The following BTBD2 variants were observed in gnomAD, a reference collection of about 807,000 sequenced individuals.
BTBD2 encodes the protein BTB/POZ domain-containing protein 2.
BTBD2 carries 15 observed loss-of-function variants against 44.0 expected under a neutral mutation model. The observed-to-expected ratio is 0.34, with a 90% CI of 0.23 to 0.53. The LOEUF is 0.53. BTBD2 is among the 20% of genes least tolerant of loss of function. The pLI is 0.95. For synonymous variants in BTBD2, 443 were observed against 335.9 expected, an observed-to-expected ratio of 1.32 and a Z score of -3.49; for missense variants, 657 against 746.4, an observed-to-expected ratio of 0.88 and a Z score of 1.39.
In BTBD2 at chr19:1,987,656, A is replaced by G; in HGVS notation, c.1025T>C (p.Val342Ala). 6.2e-7 allele frequency: 1 copy of G among 1,609,424 alleles called. No individual in the cohort carries two copies. Among genetic ancestry groups the G allele is most frequent in the South Asian group, 1.1e-5 (1 of 90,632 alleles). Residue 342 changes from valine to alanine, a missense_variant, in exon 6 of 9, where the codon GTG (valine) becomes GCG (alanine). Physicochemically the swap from Val to Ala is moderately conservative, Grantham distance 64. Coordinates refer to ENST00000255608, the MANE Select transcript of BTBD2 (RefSeq NM_017797.4). ...GGTGAAGTGCAGGAAGAGGCTGACC[A>G]CCTCGCGGTCCACCAGGATGCCCGA... ...AQSGILVDRE[V>A]VSLFLHFTVN...
chr19:1,997,122 G>T (rs2016261136), intron 2 of BTBD2, among the ~76,000 whole-genome samples: 1 of 150,988 alleles, frequency 6.6e-6, no homozygotes, highest in South Asian at 2.1e-4. Context: ...TGAGGTTGCA[G>T]TGAGCCAAGA....
chr19:1,992,972 CTCCAGCCAGGCCTGG>C, intron 3 of BTBD2, 33 bp downstream of exon 3: 3 of 1,338,852 alleles, frequency 2.2e-6, no homozygotes, highest in Non-Finnish European at 9.8e-7. Context: ...CCGGCCCCGC[CTCCAGCCAGGCCTGG>C]CCCCGCCCCC....
intron 1 of BTBD2, among the ~76,000 whole-genome samples, chr19:2,008,463 G>C (rs1016102201): frequency 3.3e-5 from 5 of 150,914 alleles, no homozygotes; most frequent in African/African-American, 1.2e-4. Flanking sequence ...GGTACTTTTT[G>C]TATTTTTAAT....
At chr19:2,014,694 G>C (rs536185091) in intron 1 of BTBD2, 185 of 156,960 alleles carry the variant, frequency 1.2e-3, no homozygotes, top group Middle Eastern at 9.9e-3. Flanking sequence ...GCTGGGTGGG[G>C]TTTGAGGATG....
chr19:1,986,672 G>C, intron 8 of BTBD2, 23 bp from the exon 9 acceptor site: 1 of 1,610,092 alleles, frequency 6.2e-7, no homozygotes, highest in South Asian at 1.1e-5. Flanking sequence ...GGGGTACAGT[G>C]AGGTCAAGGA....
chr19:2,005,983 G>A (rs1455516196), intron 1 of BTBD2, among the ~76,000 whole-genome samples: 2 of 151,742 alleles, frequency 1.3e-5, no homozygotes, highest in African/African-American at 2.4e-5. Context: ...AGCTACTTGG[G>A]AGGCTAAGGT....
chr19:1,994,413 T>C (rs1458661545), intron 2 of BTBD2, among the ~76,000 whole-genome samples: 3 of 151,916 alleles, frequency 2.0e-5, no homozygotes, highest in Non-Finnish European at 4.4e-5. Flanking sequence ...GAGGATTGCC[T>C]GAGACCAGGA....
Position 1,986,352 on chromosome 19 carries a change from A to C in BTBD2, c.*136T>G. On this transcript the variant is annotated 3_prime_UTR_variant, in exon 9 of 9. Coordinates refer to ENST00000255608, the MANE Select transcript of BTBD2 (RefSeq NM_017797.4). ...GGGCAACCCCGTCCTGATGCTGAGAAAGGTGGCATGGAGTGGACAGACGGC... is the reference window on the plus strand; with the variant it reads ...GGGCAACCCCGTCCTGATGCTGAGACAGGTGGCATGGAGTGGACAGACGGC... The C allele has an allele frequency of 9.1e-7, 1 of 1,102,414 alleles. No homozygotes were observed. The highest frequency in any genetic ancestry group is 2.4e-5 in the East Asian group (1 of 41,588). 68.3% of individuals were successfully genotyped at this position (1,102,414 alleles called of 1,614,324 possible).
At chr19:1,989,878 A>G (rs1319647907) in intron 5 of BTBD2, 126 bp downstream of exon 5, 1 of 1,102,420 alleles carries the variant, frequency 9.1e-7, no homozygotes, top group South Asian at 1.5e-5. Flanking sequence ...GTTTCTTCCT[A>G]TCTGTATATG....
intron 1 of BTBD2, among the ~76,000 whole-genome samples, chr19:2,014,924 T>C (rs922947837): frequency 1.4e-5 from 2 of 140,214 alleles, no homozygotes; most frequent in African/African-American, 5.4e-5. Context: ...GCAGGCCTGG[T>C]GGGGTCTGGG....
At chr19:1,995,887 T>C (rs910913756) in intron 2 of BTBD2, among the ~76,000 whole-genome samples, 5 of 151,292 alleles carry the variant, frequency 3.3e-5, no homozygotes, top group Admixed American at 1.3e-4. Flanking sequence ...AATCTCCTGA[T>C]CTCGTGATCC....
intron 1 of BTBD2, among the ~76,000 whole-genome samples, chr19:2,004,970 C>G (rs946254912): frequency 2.0e-5 from 3 of 151,962 alleles, no homozygotes; most frequent in Admixed American, 6.6e-5. Flanking sequence ...CAGGCGCCCA[C>G]CACCACGCCC....
intron 2 of BTBD2, among the ~76,000 whole-genome samples, chr19:1,996,136 G>T (rs984200153): frequency 3.3e-5 from 5 of 152,158 alleles, no homozygotes; most frequent in Non-Finnish European, 4.4e-5. Flanking sequence ...TTATTTCTGA[G>T]CTCTCTGTTC....
In BTBD2 at chr19:1,997,395, G is replaced by A. The variant is rs775896833; in HGVS notation, c.476C>T (p.Thr159Met). 8.1e-6 allele frequency: 13 copies of A among 1,614,036 alleles called. No homozygotes were observed. Among genetic ancestry groups the A allele is most frequent in the South Asian group, 1.1e-5 (1 of 91,088 alleles). The change falls in exon 2 of 9, where the codon ACG (threonine) becomes ATG (methionine). Residue 159 changes from threonine to methionine, a missense_variant. By Grantham distance (81) the Thr-to-Met change is moderately conservative. Transcript: ENST00000255608. ...MFNGGMATTS[T>M]EIELPDVEPA... is the part of the protein sequence containing the mutation. Reference sequence around the variant, plus strand: ...TTCCACGTCGGGCAGCTCAATCTCCGTGGATGTTGTGGCCATTCCCCCGTT... The same window carrying A: ...TTCCACGTCGGGCAGCTCAATCTCCATGGATGTTGTGGCCATTCCCCCGTT...
intron 4 of BTBD2, 112 bp downstream of exon 4, chr19:1,990,605 G>C: frequency 1.0e-6 from 1 of 993,718 alleles, no homozygotes; most frequent in South Asian, 1.6e-5. Context: ...AAGTGGTGAG[G>C]CCCCAGCTCA....
chr19:1,994,352 T>C (rs1451699234), intron 2 of BTBD2, among the ~76,000 whole-genome samples: 2 of 151,818 alleles, frequency 1.3e-5, no homozygotes, highest in African/African-American at 4.8e-5. Context: ...GTCTCCAGCC[T>C]GGAGCAGTGG....
chr19:1,993,321 G>A lies in BTBD2; in HGVS notation c.528-145C>T, dbSNP rs935652850. On this transcript the variant is annotated intron_variant, in intron 2 of 8. Coordinates refer to ENST00000255608, the MANE Select transcript of BTBD2 (RefSeq NM_017797.4). Reference sequence around the variant, plus strand: ...AAACACCCACATCAGGTTCCCCGAGGAACCTTCCAGAATTAGCCCCTGTCC... The same window carrying A: ...AAACACCCACATCAGGTTCCCCGAGAAACCTTCCAGAATTAGCCCCTGTCC... 5.0e-6 allele frequency: 6 copies of A among 1,209,034 alleles called. No homozygotes were observed. In the African/African-American group the frequency reaches 7.7e-5, roughly 16 times the overall value. The allele number at this position is 1,209,034 out of a possible 1,614,324, so 74.9% of individuals were successfully genotyped here. A position where few individuals can be genotyped will look rare whatever the true frequency, so the allele number is the denominator to read the frequency against.
At chr19:1,996,867 G>A (rs2016257973) in intron 2 of BTBD2, among the ~76,000 whole-genome samples, 3 of 146,074 alleles carry the variant, frequency 2.1e-5, no homozygotes, top group South Asian at 2.2e-4. Context: ...GCAAGACCAC[G>A]TCTAAAAAAT....
rs2016069190 is a variant in BTBD2 at position 1,985,753 on chromosome 19, T to C, written c.*735A>G. 2 of 152,462 alleles carry C rather than the reference T, an allele frequency of 1.3e-5. No individual in the cohort carries two copies. Among genetic ancestry groups the C allele is most frequent in the Admixed American group, 1.3e-4 (2 of 15,272 alleles). The allele number at this position is 152,462 out of a possible 1,614,324, so 9.4% of individuals were successfully genotyped here. A position where few individuals can be genotyped will look rare whatever the true frequency, so the allele number is the denominator to read the frequency against. The stretch of plus-strand genomic sequence containing the variant: ...TCTGGGGCACAGGGTCTGAGTCCCA[T>C]CTTGGGCTGCAGGGACCGCGAGGGC... On this transcript the variant is annotated 3_prime_UTR_variant, in exon 9 of 9. Transcript: ENST00000255608.
Sources: gnomAD v4.1 joint callset for allele counts (sites outside exome capture counted in the v4.1 genomes callset) on GRCh38, gnomAD v4.1.1 for gene constraint, MANE v1.5 for transcripts, NCBI Gene and HGNC (gene_info 2026-07-23, HGNC 2026-07-21) for gene names.